EIF4G2: variants seen among roughly 807,000 people sequenced by gnomAD.
The protein encoded by EIF4G2 is eukaryotic translation initiation factor 4 gamma 2.
EIF4G2 carries 8 observed loss-of-function variants against 117.7 expected under a neutral mutation model. The observed-to-expected ratio is 0.07, with a 90% CI of 0.04 to 0.12. The LOEUF (loss-of-function observed/expected upper bound fraction) is 0.12, where lower values mean the gene tolerates loss of function less well. Ranked by LOEUF, EIF4G2 falls within the 10% of genes least tolerant of loss-of-function variation. The pLI, the probability that EIF4G2 is intolerant of heterozygous loss-of-function variation, is 1.00. For synonymous variants in EIF4G2, 413 were observed against 367.8 expected (o/e 1.12, Z -1.41); for missense variants, 812 against 1,086.2 (o/e 0.75, Z 3.55).
At chr11:10,807,609 A>T (rs533954517) in intron 1 of EIF4G2, 4 of 1,134,876 alleles carry the variant, frequency 3.5e-6, no homozygotes, top group African/African-American at 3.2e-5. Flanking sequence ...GAGCATTTTA[A>T]ACGGCTCAGA....
rs1847391368 is a variant in EIF4G2 at position 10,800,664 on chromosome 11, T to C, written c.1645-17A>G. On this transcript the variant is annotated splice_polypyrimidine_tract_variant and intron_variant, in intron 16 of 21. Coordinates refer to ENST00000339995, the MANE Select transcript of EIF4G2 (RefSeq NM_001418.4). ...AACAGTTTCCTGTGAAGAACACAAG[T>C]ATCTTTAATGTATTCTCTATCTCAA... is the stretch of plus-strand genomic sequence containing the variant. 12 of 1,613,986 alleles carry C rather than the reference T, an allele frequency of 7.4e-6. No homozygotes were observed. Among genetic ancestry groups the C allele is most frequent in the Non-Finnish European group, 9.3e-6 (11 of 1,179,890 alleles).
intron 2 of EIF4G2, 21 bp from the exon 3 acceptor site, chr11:10,806,906 G>C: frequency 1.2e-6 from 2 of 1,611,672 alleles, no homozygotes; most frequent in Non-Finnish European, 1.7e-6. Flanking sequence ...GAAAAAAATT[G>C]TTTACTGTAT....
At chr11:10,799,478 G>C in intron 19 of EIF4G2, 54 bp from the exon 20 acceptor site, 1 of 1,610,286 alleles carries the variant, frequency 6.2e-7, no homozygotes, top group South Asian at 1.1e-5. Flanking sequence ...TTGCTCAAGA[G>C]ACAACTCTTA....
At chr11:10,799,172 A>C (rs1475251479) in intron 20 of EIF4G2, 41 bp downstream of exon 20, 1 of 1,612,506 alleles carries the variant, frequency 6.2e-7, no homozygotes, top group East Asian at 2.2e-5. Context: ...GTTCTGTTTA[A>C]GAACTTCCTC....
chr11:10,798,900 T>C lies in EIF4G2; in HGVS notation c.2658+92A>G, dbSNP rs979182403. On this transcript the variant is annotated intron_variant, in intron 21 of 21. Transcript: ENST00000339995. Reference sequence around the variant, plus strand: ...AGACAAACTACTAACTAGGACTACCTTGCCTGTATTTCAGTTGAAAAAGGC... The same window carrying C: ...AGACAAACTACTAACTAGGACTACCCTGCCTGTATTTCAGTTGAAAAAGGC... 6 of 1,460,752 alleles carry C rather than the reference T, an allele frequency of 4.1e-6. No individual in the cohort carries two copies. The African/African-American group carries it at 5.7e-5, about 14-fold the overall frequency. 90.5% of individuals were successfully genotyped at this position (1,460,752 alleles called of 1,614,324 possible). A position where few individuals can be genotyped will look rare whatever the true frequency, so the allele number is the denominator to read the frequency against.
chr11:10,806,622 C>T (rs2135420770), intron 3 of EIF4G2, 198 bp downstream of exon 3: 1 of 550,322 alleles, frequency 1.8e-6, no homozygotes, highest in South Asian at 2.8e-5. Flanking sequence ...AAAATAACAG[C>T]TTGAGAGTCT....
Position 10,804,452 on chromosome 11 carries a change from A to G in EIF4G2, c.352-34T>C, listed in dbSNP as rs748654708. The G allele has an allele frequency of 7.1e-6, 11 of 1,546,054 alleles. No homozygotes were observed. In the African/African-American group the frequency reaches 1.4e-4, roughly 20 times the overall value. ...AATGTCATTGCTTAAACTAAATATG[A>G]AAACTTCTCCAAGAACCCTTCCTTT... On this transcript the variant is annotated intron_variant, in intron 5 of 21. Transcript: ENST00000339995.
intron 1 of EIF4G2, 62 bp downstream of exon 1, chr11:10,808,643 G>A (rs920504297): frequency 2.9e-5 from 11 of 381,446 alleles, no homozygotes; most frequent in African/African-American, 2.5e-4. Context: ...TCGAGAAGAA[G>A]CGACCAGGGA....
At chr11:10,806,906 G>T (rs1564985648) in intron 2 of EIF4G2, 21 bp from the exon 3 acceptor site, 1 of 1,611,672 alleles carries the variant, frequency 6.2e-7, no homozygotes, top group Admixed American at 1.7e-5. Context: ...GAAAAAAATT[G>T]TTTACTGTAT....
chr11:10,806,947 C>A, intron 2 of EIF4G2, 62 bp from the exon 3 acceptor site: 1 of 1,176,356 alleles, frequency 8.5e-7, no homozygotes, highest in Non-Finnish European at 1.2e-6. Flanking sequence ...AAAGAATAAG[C>A]ATCTATTTTG....
intron 1 of EIF4G2, chr11:10,808,483 G>T (rs1847661665): frequency 1.6e-6 from 2 of 1,251,490 alleles, no homozygotes; most frequent in Non-Finnish European, 2.1e-6. Context: ...CCGCACGGCG[G>T]CCTGGCCAAC....
At chr11:10,806,249 C>T (rs574250734) in intron 3 of EIF4G2, 3 of 667,082 alleles carry the variant, frequency 4.5e-6, no homozygotes, top group African/African-American at 3.6e-5. Flanking sequence ...CTGGGCCCAC[C>T]CAGTTTCTGC....
chr11:10,801,611 A>C (rs1847420370), intron 14 of EIF4G2, 50 bp downstream of exon 14: 1 of 1,538,592 alleles, frequency 6.5e-7, no homozygotes, highest in Non-Finnish European at 9.0e-7. Flanking sequence ...TCGGGCAATA[A>C]ATTTCTGAAT....
chr11:10,801,269 G>A, intron 14 of EIF4G2, 182 bp from the exon 15 acceptor site: 1 of 688,092 alleles, frequency 1.5e-6, no homozygotes, highest in Non-Finnish European at 2.4e-6. Flanking sequence ...AAGATCTGAT[G>A]CATACAGTAG....
chr11:10,802,792 G>C (rs954452790), intron 11 of EIF4G2, among the ~76,000 whole-genome samples: 21 of 152,128 alleles, frequency 1.4e-4, no homozygotes, highest in Admixed American at 6.5e-5. Context: ...ACTTGAACCT[G>C]GGAGGCAGAG....
At chr11:10,802,974 A>T in intron 11 of EIF4G2, 56 bp downstream of exon 11, 1 of 1,524,892 alleles carries the variant, frequency 6.6e-7, no homozygotes, top group Non-Finnish European at 9.0e-7. Context: ...GAGGAAACCC[A>T]TTCTATTCTA....
chr11:10,801,704 A>G lies in EIF4G2; in HGVS notation c.1370T>C (p.Met457Thr), dbSNP rs202215006. 1.4e-5 allele frequency: 22 copies of G among 1,614,152 alleles called. No homozygotes were observed. The highest frequency in any genetic ancestry group is 1.1e-4 in the East Asian group (5 of 44,876). Residue 457 changes from methionine to threonine, a missense_variant, in exon 14 of 22, where the codon ATG becomes ACG. Met to Thr is a moderately conservative substitution (Grantham distance 81). Coordinates refer to ENST00000339995, the MANE Select transcript of EIF4G2 (RefSeq NM_001418.4). ...TCCTTTCTTAGAAAACCGAGGTGGC[A>G]TATCCTTCGACTGTCCTTGCAGCTG...
intron 14 of EIF4G2, 157 bp from the exon 15 acceptor site, chr11:10,801,244 T>C: frequency 9.0e-7 from 1 of 1,112,836 alleles, no homozygotes; most frequent in Admixed American, 2.9e-5. Context: ...GGTTTAATTT[T>C]TGGCAAAAAA....
rs369380489 is a variant in EIF4G2, at chr11:10,808,908, G to T, written c.-290C>A. 6.4e-6 allele frequency: 1 copy of T among 155,228 alleles called. No individual in the cohort carries two copies. The highest frequency in any genetic ancestry group is 1.4e-5 in the Non-Finnish European group (1 of 69,182). 9.6% of individuals were successfully genotyped at this position (155,228 alleles called of 1,614,324 possible). On this transcript the variant is annotated 5_prime_UTR_variant, in exon 1 of 22. Transcript: ENST00000339995. Reference sequence around the variant, plus strand: ...CGGTACCCGCTGCCACCTCCATAGAGCTCCGACTCACTGCTGGCGCTAAGG... The same window carrying T: ...CGGTACCCGCTGCCACCTCCATAGATCTCCGACTCACTGCTGGCGCTAAGG...
Sources: allele counts gnomAD v4.1 joint callset (sites outside exome capture counted in the v4.1 genomes callset), GRCh38; gene constraint gnomAD v4.1.1; transcripts MANE v1.5; gene names NCBI Gene and HGNC (gene_info 2026-07-23, HGNC 2026-07-21).